CDH18: variants seen among roughly 807,000 people sequenced by gnomAD.
CDH18 encodes the protein cadherin-18.
CDH18 carries 31 observed loss-of-function variants against 67.9 expected under a neutral mutation model. The ratio of observed to expected loss-of-function variants is 0.46; its 90% CI spans 0.34 to 0.62. The LOEUF (loss-of-function observed/expected upper bound fraction) is 0.62. Ranked by LOEUF, CDH18 falls within the 20% of genes least tolerant of loss-of-function variation. The probability of loss-of-function intolerance (pLI) is 0.01; values close to 1 mark genes in which losing one functional copy is unlikely to be tolerated. For synonymous variants in CDH18, 362 were observed against 347.2 expected (o/e 1.04, Z -0.48); for missense variants, 890 against 975.5 (o/e 0.91, Z 1.17).
At chr5:19,907,974 G>A (rs1341525339) in intron 2 of CDH18, among the ~76,000 whole-genome samples, 1 of 151,994 alleles carries the variant, frequency 6.6e-6, no homozygotes, top group Non-Finnish European at 1.5e-5. Context: ...TGGGGATATG[G>A]AAGAGTTAAT....
intron 2 of CDH18, among the ~76,000 whole-genome samples, chr5:19,913,259 T>C (rs1230261590): frequency 6.6e-6 from 1 of 152,132 alleles, no homozygotes; most frequent in Non-Finnish European, 1.5e-5. Flanking sequence ...ATGCTCTTCA[T>C]ACTCTTTTTT....
intron 2 of CDH18, among the ~76,000 whole-genome samples, chr5:20,086,155 G>A (rs1744931797): frequency 2.0e-5 from 3 of 152,138 alleles, no homozygotes; most frequent in Admixed American, 1.3e-4. Flanking sequence ...ATGTTTTATT[G>A]GTCTTGATAG....
At chr5:19,550,651 T>C (rs1387654286) in intron 8 of CDH18, among the ~76,000 whole-genome samples, 1 of 152,352 alleles carries the variant, frequency 6.6e-6, no homozygotes, top group Middle Eastern at 3.4e-3. Context: ...ATTTTCTTAA[T>C]CCAGTCTATC....
At chr5:19,970,444 T>C (rs879347463) in intron 2 of CDH18, among the ~76,000 whole-genome samples, 13 of 151,568 alleles carry the variant, frequency 8.6e-5, no homozygotes, top group Admixed American at 7.9e-4. Flanking sequence ...TTTACACTTT[T>C]GCAGGAATAT....
chr5:20,062,177 G>A (rs200682220), intron 2 of CDH18, among the ~76,000 whole-genome samples: 18 of 17,202 alleles, frequency 1.0e-3, no homozygotes, highest in Non-Finnish European at 2.8e-3. Context: ...TATTATTATT[G>A]AGACAGTCTT....
intron 1 of CDH18, among the ~76,000 whole-genome samples, chr5:20,535,811 A>G (rs1703051): frequency 0.4 from 60,614 of 151,958 alleles, 13,565 homozygotes; most frequent in East Asian, 0.57. Flanking sequence ...CAAAGTGAAT[A>G]TATCTGGAGA....
intron 4 of CDH18, among the ~76,000 whole-genome samples, chr5:19,728,366 C>T (rs1385759856): frequency 6.6e-6 from 1 of 152,096 alleles, no homozygotes; most frequent in Non-Finnish European, 1.5e-5. Flanking sequence ...TCCTATGGAA[C>T]ACAGTTAGCT....
intron 6 of CDH18, among the ~76,000 whole-genome samples, chr5:19,592,559 G>A (rs13163901): frequency 0.57 from 86,838 of 151,914 alleles, 27,374 homozygotes; most frequent in South Asian, 0.75. Context: ...ATAAGTGAAT[G>A]CACAATCTCT....
intron 2 of CDH18, among the ~76,000 whole-genome samples, chr5:20,185,924 G>A (rs918158701): frequency 6.6e-6 from 1 of 151,660 alleles, no homozygotes; most frequent in African/African-American, 2.4e-5. Context: ...AAGTTGGCAC[G>A]CAAGAAATAC....
rs1797335593 is a variant in CDH18, at chr5:19,965,477, T to C, written c.-257+15583A>G. On this transcript the variant is annotated intron_variant, in intron 2 of 12. Coordinates refer to ENST00000382275, the MANE Select transcript of CDH18 (RefSeq NM_004934.5). ...CTGACTTTACTATATGTTTAAAATA[T>C]GGAAACACACTCCCCTGATACAGGA... 2.6e-5 allele frequency among the ~76,000 whole-genome samples: 4 copies of C among 152,180 alleles called. No homozygotes were observed. The South Asian group carries it at 8.3e-4, about 31-fold the overall frequency.
At chr5:20,324,513 C>T (rs1738362428) in intron 1 of CDH18, among the ~76,000 whole-genome samples, 1 of 151,558 alleles carries the variant, frequency 6.6e-6, no homozygotes, top group Admixed American at 6.6e-5. Context: ...TGCACTCCAG[C>T]CTGGGCAACA....
chr5:19,994,244 CATATACACAT>C (rs1321303874), intron 2 of CDH18, among the ~76,000 whole-genome samples: 5 of 137,510 alleles, frequency 3.6e-5, no homozygotes, highest in African/African-American at 9.5e-5. Context: ...TATACACACA[CATATACACAT>C]ATATACACAT....
At chr5:19,516,018 A>C (rs1745929548) in intron 10 of CDH18, among the ~76,000 whole-genome samples, 1 of 152,108 alleles carries the variant, frequency 6.6e-6, no homozygotes, top group Non-Finnish European at 1.5e-5. Flanking sequence ...TTTGAGATAC[A>C]TTCCATCAAT....
At chr5:19,674,871 T>C (rs1287220811) in intron 5 of CDH18, among the ~76,000 whole-genome samples, 1 of 151,978 alleles carries the variant, frequency 6.6e-6, no homozygotes, top group Non-Finnish European at 1.5e-5. Context: ...ATCCAGAAAA[T>C]TGAAGGATGG....
chr5:19,646,850 C>A (rs1290308074), intron 5 of CDH18, among the ~76,000 whole-genome samples: 1 of 151,834 alleles, frequency 6.6e-6, no homozygotes, highest in Non-Finnish European at 1.5e-5. Flanking sequence ...ATACAACATG[C>A]AATGGTCAAA....
At chr5:20,546,808 C>T (rs914892191) in intron 1 of CDH18, among the ~76,000 whole-genome samples, 2 of 151,724 alleles carry the variant, frequency 1.3e-5, no homozygotes, top group African/African-American at 4.8e-5. Flanking sequence ...TAGAGATTTG[C>T]CACAGGCCTT....
chr5:19,556,020 A>C (rs1361461323), intron 8 of CDH18, among the ~76,000 whole-genome samples: 1 of 152,140 alleles, frequency 6.6e-6, no homozygotes, highest in Non-Finnish European at 1.5e-5. Context: ...CTAGAGGAGA[A>C]ATAACAATAA....
At chr5:19,700,948 GAAACAAAGTGAGA>G (rs1360199936) in intron 5 of CDH18, among the ~76,000 whole-genome samples, 2 of 148,870 alleles carry the variant, frequency 1.3e-5, no homozygotes, top group East Asian at 3.9e-4. Context: ...ACAAAGTGAG[GAAACAAAGTGAGA>G]AAAAAAGAAA....
chr5:19,792,643 G>C (rs747845594), intron 3 of CDH18, among the ~76,000 whole-genome samples: 1 of 152,054 alleles, frequency 6.6e-6, no homozygotes, highest in Non-Finnish European at 1.5e-5. Flanking sequence ...AGAAATAAAG[G>C]TAATTTTATG....
Sources: gnomAD v4.1 joint callset for allele counts (sites outside exome capture counted in the v4.1 genomes callset) on GRCh38, gnomAD v4.1.1 for gene constraint, MANE v1.5 for transcripts, NCBI Gene and HGNC (gene_info 2026-07-23, HGNC 2026-07-21) for gene names.